ZBTB20: variants seen among roughly 807,000 people sequenced by gnomAD.
ZBTB20 encodes zinc finger and BTB domain-containing protein 20.
A neutral mutation model predicts 56.9 loss-of-function variants in ZBTB20; 9 were observed. That is an observed-to-expected ratio of 0.16 (90% CI 0.10 to 0.28). ZBTB20 has a LOEUF of 0.28. ZBTB20 is among the 10% of genes least tolerant of loss of function. The probability of loss-of-function intolerance (pLI) is 1.00; values close to 1 mark genes in which losing one functional copy is unlikely to be tolerated. For synonymous variants in ZBTB20, 417 were observed against 420.7 expected, an observed-to-expected ratio of 0.99 and a Z score of 0.11; for missense variants, 655 against 1,003.0, an observed-to-expected ratio of 0.65 and a Z score of 4.69.
intron 4 of ZBTB20, among the ~76,000 whole-genome samples, chr3:114,899,342 A>C (rs973210268): frequency 6.6e-6 from 1 of 152,116 alleles, no homozygotes; most frequent in Admixed American, 6.6e-5. Flanking sequence ...GTTCAGCTAA[A>C]TGGATCAATA....
chr3:115,077,564 C>A (rs1017446349), intron 1 of ZBTB20, among the ~76,000 whole-genome samples: 2 of 152,142 alleles, frequency 1.3e-5, no homozygotes, highest in Non-Finnish European at 2.9e-5. Flanking sequence ...TAGAGCAGCC[C>A]AGACTAAGAG....
chr3:114,459,838 T>C (rs1211377028), intron 7 of ZBTB20, among the ~76,000 whole-genome samples: 1 of 152,066 alleles, frequency 6.6e-6, no homozygotes, highest in Non-Finnish European at 1.5e-5. Context: ...AGAAAACATG[T>C]TTTAAATTCA....
intron 10 of ZBTB20, among the ~76,000 whole-genome samples, chr3:114,373,849 A>G (rs924382555): frequency 6.6e-6 from 1 of 152,224 alleles, no homozygotes; most frequent in Non-Finnish European, 1.5e-5. Context: ...AAATTACTGC[A>G]TTAAGTGACT....
chr3:114,971,147 T>C (rs1204419145), intron 3 of ZBTB20, among the ~76,000 whole-genome samples: 1 of 152,266 alleles, frequency 6.6e-6, no homozygotes, highest in Admixed American at 6.5e-5. Flanking sequence ...TTACTTTTTT[T>C]CTTTTGTTGG....
chr3:114,521,886 A>G (rs1323389999), intron 6 of ZBTB20, among the ~76,000 whole-genome samples: 2 of 152,128 alleles, frequency 1.3e-5, no homozygotes. Flanking sequence ...TATGTTTTGC[A>G]TTTAATAAAA....
chr3:114,394,064 G>T (rs1458996476), intron 7 of ZBTB20, among the ~76,000 whole-genome samples: 1 of 152,152 alleles, frequency 6.6e-6, no homozygotes, highest in Non-Finnish European at 1.5e-5. Flanking sequence ...GGGGGTTCAT[G>T]ATTAAAGTTT....
At chr3:114,900,564 T>C (rs1482764812) in intron 3 of ZBTB20, 1 of 150,876 alleles carries the variant, frequency 6.6e-6, no homozygotes, top group Non-Finnish European at 1.5e-5. Flanking sequence ...CCCTTAGCAG[T>C]GTATCATAAG....
At chr3:114,849,677 T>C (rs901187120) in intron 4 of ZBTB20, among the ~76,000 whole-genome samples, 2 of 152,322 alleles carry the variant, frequency 1.3e-5, no homozygotes, top group South Asian at 2.1e-4. Flanking sequence ...TTTATACTTA[T>C]CATGTTATTA....
At chr3:114,603,828 C>T (rs1560023051) in intron 6 of ZBTB20, among the ~76,000 whole-genome samples, 3 of 151,780 alleles carry the variant, frequency 2.0e-5, no homozygotes, top group African/African-American at 7.3e-5. Context: ...AAAATGCAAA[C>T]TAAAACTATA....
At chr3:115,052,331 C>A (rs1161165289) in intron 2 of ZBTB20, among the ~76,000 whole-genome samples, 1 of 151,860 alleles carries the variant, frequency 6.6e-6, no homozygotes, top group African/African-American at 2.4e-5. Flanking sequence ...GTGGTGCATG[C>A]CTGTAATCCC....
chr3:114,446,335 T>C (rs1430349891), intron 7 of ZBTB20, among the ~76,000 whole-genome samples: 1 of 152,190 alleles, frequency 6.6e-6, no homozygotes, highest in African/African-American at 2.4e-5. Context: ...ATTTTCTTGT[T>C]TTAAACTACT....
intron 6 of ZBTB20, among the ~76,000 whole-genome samples, chr3:114,659,962 G>A (rs187298917): frequency 5.9e-5 from 9 of 151,870 alleles, no homozygotes; most frequent in African/African-American, 2.2e-4. Context: ...GATTCTCTTT[G>A]TCTTTTCTTA....
chr3:114,377,890 A>T (rs2083840332), intron 10 of ZBTB20, among the ~76,000 whole-genome samples: 1 of 152,216 alleles, frequency 6.6e-6, no homozygotes, highest in Non-Finnish European at 1.5e-5. Context: ...CACATGACAA[A>T]TAAAAAGGTG....
At chr3:115,138,012 G>A (rs1446137118) in intron 1 of ZBTB20, among the ~76,000 whole-genome samples, 1 of 152,044 alleles carries the variant, frequency 6.6e-6, no homozygotes, top group Non-Finnish European at 1.5e-5. Context: ...ATTTAAGCCA[G>A]CTATTGGTTT....
At chr3:114,714,764 T>C (rs2064344954) in intron 5 of ZBTB20, among the ~76,000 whole-genome samples, 1 of 152,172 alleles carries the variant, frequency 6.6e-6, no homozygotes. Flanking sequence ...AAATGACAAC[T>C]TTTTCGCTGC....
At chr3:114,412,847 C>A (rs1472073563) in intron 7 of ZBTB20, among the ~76,000 whole-genome samples, 1 of 152,154 alleles carries the variant, frequency 6.6e-6, no homozygotes, top group East Asian at 1.9e-4. Flanking sequence ...AGACAAGTTT[C>A]TCCCTTTGCT....
intron 1 of ZBTB20, among the ~76,000 whole-genome samples, chr3:115,078,002 A>C (rs1217638639): frequency 6.6e-6 from 1 of 152,214 alleles, no homozygotes; most frequent in Non-Finnish European, 1.5e-5. Context: ...TACTACTTTT[A>C]GCCTCAATTT....
intron 7 of ZBTB20, among the ~76,000 whole-genome samples, chr3:114,432,297 A>C (rs2090185062): frequency 6.6e-6 from 1 of 152,236 alleles, no homozygotes; most frequent in African/African-American, 2.4e-5. Context: ...ACCATTTCTC[A>C]GTGCAAAGAA....
chr3:114,831,290 G>A (rs9837746), intron 4 of ZBTB20, among the ~76,000 whole-genome samples: 135,008 of 151,692 alleles, frequency 0.89, 60,853 homozygotes, highest in East Asian at 0.98. Context: ...GGATAAGGGC[G>A]CAAGCTCAGA....
Sources: allele counts gnomAD v4.1 joint callset (sites outside exome capture counted in the v4.1 genomes callset), GRCh38; gene constraint gnomAD v4.1.1; transcripts MANE v1.5; gene names NCBI Gene and HGNC (gene_info 2026-07-23, HGNC 2026-07-21).